Variants in PCDHA4 observed in about 807,000 individuals in gnomAD.
The protein encoded by PCDHA4 is protocadherin alpha 4, also known as protocadherin alpha-4.
PCDHA4 carries 49 observed loss-of-function variants against 61.4 expected under a neutral mutation model. The ratio of observed to expected loss-of-function variants is 0.80; its 90% CI spans 0.63 to 1.01. PCDHA4 has a LOEUF of 1.01. Among genes scored for constraint, PCDHA4 ranks in the 50% least tolerant of loss-of-function variants. PCDHA4 has a pLI of 0.00. For synonymous variants in PCDHA4, 590 were observed against 550.3 expected (o/e 1.07, Z -1.01); for missense variants, 1,254 against 1,235.8 (o/e 1.01, Z -0.22).
At chr5:140,858,190 G>T in intron 1 of PCDHA4, 1 of 1,597,502 alleles carries the variant, frequency 6.3e-7, no homozygotes, top group Admixed American at 1.7e-5. Context: ...TCACGCTGCT[G>T]CTGTACACTG....
intron 1 of PCDHA4, chr5:140,855,857 C>T: frequency 1.4e-6 from 1 of 710,772 alleles, no homozygotes; most frequent in Non-Finnish European, 2.3e-6. Context: ...CACCGGATGT[C>T]GCTGTCGTCC....
chr5:140,857,925 A>T (rs1291686886), intron 1 of PCDHA4: 2 of 1,597,686 alleles, frequency 1.3e-6, no homozygotes, highest in Non-Finnish European at 1.7e-6. Flanking sequence ...GTGGGGCTGT[A>T]CACGGGCGAG....
intron 1 of PCDHA4, among the ~76,000 whole-genome samples, chr5:140,900,334 G>A (rs552378783): frequency 4.2e-4 from 64 of 152,060 alleles, no homozygotes; most frequent in East Asian, 1.6e-3. Context: ...CTGGAGTACC[G>A]TGGCGCAATC....
chr5:140,869,297 G>T lies in PCDHA4; in HGVS notation c.2385+59725G>T. 3.7e-6 allele frequency: 6 copies of T among 1,613,580 alleles called. No homozygotes were observed. The highest frequency in any genetic ancestry group is 1.1e-5 in the South Asian group (1 of 91,050). On this transcript the variant is annotated intron_variant, in intron 1 of 3. Transcript: ENST00000530339. ...GCGGAGCTGGTGCAGCGCCTGTTCC[G>T]GGTGGCGTCCAAAACACATGGGGAC...
At chr5:141,004,188 TA>T (rs1391411358) in intron 3 of PCDHA4, among the ~76,000 whole-genome samples, 5 of 152,260 alleles carry the variant, frequency 3.3e-5, no homozygotes, top group African/African-American at 1.2e-4. Flanking sequence ...TGAGTGCTCT[TA>T]ACCAAAAGGA....
At chr5:140,961,743 A>G (rs1585893660) in intron 1 of PCDHA4, among the ~76,000 whole-genome samples, 1 of 152,170 alleles carries the variant, frequency 6.6e-6, no homozygotes, top group East Asian at 1.9e-4. Flanking sequence ...CTTTAGTAAT[A>G]TTACAGTTTT....
intron 1 of PCDHA4, among the ~76,000 whole-genome samples, chr5:140,891,408 C>G (rs1341322877): frequency 2.0e-5 from 3 of 147,046 alleles, no homozygotes; most frequent in Admixed American, 6.8e-5. Flanking sequence ...TCGCCACCCC[C>G]CACTCTTGCC....
chr5:140,884,967 G>A (rs895578956), intron 1 of PCDHA4, among the ~76,000 whole-genome samples: 2 of 152,134 alleles, frequency 1.3e-5, no homozygotes, highest in African/African-American at 4.8e-5. Context: ...CTCACGTTGT[G>A]AGAACTTAAA....
chr5:140,966,886 G>T, intron 1 of PCDHA4: 1 of 1,592,132 alleles, frequency 6.3e-7, no homozygotes. Context: ...CTGGCCCTGC[G>T]GCCTCCCAGC....
At chr5:141,004,331 C>G (rs1244942275) in intron 3 of PCDHA4, among the ~76,000 whole-genome samples, 1 of 152,210 alleles carries the variant, frequency 6.6e-6, no homozygotes, top group Non-Finnish European at 1.5e-5. Flanking sequence ...AGGTGAGGCA[C>G]AGTGGTCTGT....
chr5:140,823,232 A>G, intron 1 of PCDHA4: 1 of 1,613,580 alleles, frequency 6.2e-7, no homozygotes, highest in Admixed American at 1.7e-5. Context: ...GCGCAGGAGA[A>G]CGCCCTGGTG....
chr5:140,913,384 C>G (rs1018271300), intron 1 of PCDHA4, among the ~76,000 whole-genome samples: 1 of 152,144 alleles, frequency 6.6e-6, no homozygotes, highest in Non-Finnish European at 1.5e-5. Flanking sequence ...AGTGGCTCAT[C>G]ATAGCCACTA....
intron 1 of PCDHA4, among the ~76,000 whole-genome samples, chr5:140,827,222 G>A (rs1269861072): frequency 2.0e-5 from 3 of 152,150 alleles, no homozygotes; most frequent in Non-Finnish European, 4.4e-5. Context: ...TAAAGGAAAG[G>A]ATATGGGACA....
At chr5:140,816,373 T>C (rs2126671118) in intron 1 of PCDHA4, 4 of 152,242 alleles carry the variant, frequency 2.6e-5, no homozygotes, top group Non-Finnish European at 4.4e-5. Flanking sequence ...ATATTTTCTA[T>C]CTGCTGAAAT....
chr5:140,968,022 A>G (rs782399233), intron 1 of PCDHA4: 3 of 1,614,142 alleles, frequency 1.9e-6, no homozygotes, highest in South Asian at 2.2e-5. Flanking sequence ...GGAAACTCCT[A>G]TACACTGGTG....
chr5:140,860,841 T>C (rs251367), intron 1 of PCDHA4: 102,021 of 152,038 alleles, frequency 0.67, 34,407 homozygotes, highest in Middle Eastern at 0.71. Context: ...AGGTTCACGC[T>C]ATTCTCCTGC....
chr5:140,921,486 G>A (rs782660925), intron 1 of PCDHA4, among the ~76,000 whole-genome samples: 1 of 152,128 alleles, frequency 6.6e-6, no homozygotes, highest in African/African-American at 2.4e-5. Flanking sequence ...CTCTACCTGA[G>A]ATTAGTTTAT....
At chr5:140,853,682 A>C in intron 1 of PCDHA4, 5 of 988,426 alleles carry the variant, frequency 5.1e-6, no homozygotes, top group Non-Finnish European at 6.1e-6. Context: ...TGGTCAACCT[A>C]TCCTTAGACC....
chr5:140,847,254 G>T (rs1219125323), intron 1 of PCDHA4, among the ~76,000 whole-genome samples: 1 of 149,748 alleles, frequency 6.7e-6, no homozygotes, highest in Non-Finnish European at 1.5e-5. Flanking sequence ...AATAAATCAC[G>T]ACTTTTGAAA....
Sources: allele counts gnomAD v4.1 joint callset (sites outside exome capture counted in the v4.1 genomes callset), GRCh38; gene constraint gnomAD v4.1.1; transcripts MANE v1.5; gene names NCBI Gene and HGNC (gene_info 2026-07-23, HGNC 2026-07-21).